FHL2: variants seen among roughly 807,000 people sequenced by gnomAD.
FHL2 encodes the protein four and a half LIM domains 2.
In FHL2, 20 loss-of-function variants were observed where a neutral mutation model predicts 32.7. That is an observed-to-expected ratio of 0.61 (90% CI 0.43 to 0.89). The LOEUF is 0.89. FHL2 is among the 40% of genes least tolerant of loss of function. The pLI, the probability that FHL2 is intolerant of heterozygous loss-of-function variation, is 0.00. For synonymous variants in FHL2, 123 were observed against 128.1 expected (o/e 0.96, Z 0.27); for missense variants, 311 against 358.6 (o/e 0.87, Z 1.07).
chr2:105,426,587 C>G (rs1303725276), intron 1 of FHL2, among the ~76,000 whole-genome samples: 1 of 152,186 alleles, frequency 6.6e-6, no homozygotes, highest in Non-Finnish European at 1.5e-5. Context: ...GAGGGCTCCC[C>G]ACTCCTGCAC....
At chr2:105,363,073 A>G (rs1680391138) in intron 6 of FHL2, 1 of 565,684 alleles carries the variant, frequency 1.8e-6, no homozygotes, top group Non-Finnish European at 3.2e-6. Flanking sequence ...TATGGTTGTG[A>G]TCAGGTGGGC....
intron 4 of FHL2, among the ~76,000 whole-genome samples, chr2:105,370,763 C>G (rs1218719321): frequency 6.6e-6 from 1 of 152,180 alleles, no homozygotes; most frequent in Non-Finnish European, 1.5e-5. Context: ...TTTGCATACA[C>G]CGGGATTCTT....
At chr2:105,397,890 T>TTTG (rs1553421761) in intron 1 of FHL2, among the ~76,000 whole-genome samples, 124 of 148,324 alleles carry the variant, frequency 8.4e-4, no homozygotes, top group Non-Finnish European at 1.1e-3. Flanking sequence ...TGTTTTTTGT[T>TTTG]TTTTTTTGTC....
intron 3 of FHL2, chr2:105,375,996 C>T (rs1258232964): frequency 6.6e-6 from 1 of 152,204 alleles, no homozygotes; most frequent in Non-Finnish European, 1.5e-5. Flanking sequence ...TGAGAAACAG[C>T]AAAGCCCACA....
At chr2:105,416,991 G>C (rs1228349973) in intron 1 of FHL2, among the ~76,000 whole-genome samples, 1 of 152,154 alleles carries the variant, frequency 6.6e-6, no homozygotes. Context: ...CACGACTTGG[G>C]CCACTGCACA....
intron 1 of FHL2, among the ~76,000 whole-genome samples, chr2:105,422,124 C>T (rs185049400): frequency 7.9e-5 from 12 of 152,280 alleles, no homozygotes; most frequent in Admixed American, 7.8e-4. Flanking sequence ...CAATCTTGGC[C>T]GCGTTGTGGA....
At chr2:105,413,692 C>T (rs1683858884) in intron 1 of FHL2, among the ~76,000 whole-genome samples, 1 of 152,120 alleles carries the variant, frequency 6.6e-6, no homozygotes, top group Non-Finnish European at 1.5e-5. Context: ...GTTGCCCGGG[C>T]TAGTCTTGAA....
chr2:105,394,153 A>T (rs1221313869), intron 2 of FHL2, among the ~76,000 whole-genome samples: 2 of 152,202 alleles, frequency 1.3e-5, no homozygotes, highest in African/African-American at 4.8e-5. Flanking sequence ...GAGTATCTAC[A>T]CACAAAAACC....
chr2:105,390,628 T>C (rs80218684), intron 2 of FHL2, among the ~76,000 whole-genome samples: 2,002 of 152,316 alleles, frequency 0.013, 22 homozygotes, highest in South Asian at 0.059. Flanking sequence ...CAGGATGCAC[T>C]GTGTGAAAGC....
intron 6 of FHL2, among the ~76,000 whole-genome samples, chr2:105,362,388 A>G (rs897050117): frequency 6.6e-6 from 1 of 152,212 alleles, no homozygotes; most frequent in Non-Finnish European, 1.5e-5. Context: ...GAGTTAGCTG[A>G]GTTAGGTGAA....
chr2:105,370,679 G>T (rs1408955953), intron 4 of FHL2, among the ~76,000 whole-genome samples: 1 of 152,124 alleles, frequency 6.6e-6, no homozygotes, highest in East Asian at 1.9e-4. Flanking sequence ...ATCTTGAATG[G>T]GTTCTAACAC....
chr2:105,381,349 G>A (rs759312239), intron 3 of FHL2, among the ~76,000 whole-genome samples: 3 of 152,106 alleles, frequency 2.0e-5, no homozygotes, highest in South Asian at 2.1e-4. Flanking sequence ...CTCCCTAGAC[G>A]TTAACTCACT....
At chr2:105,431,696 C>A (rs1405848698) in intron 1 of FHL2, among the ~76,000 whole-genome samples, 2 of 152,182 alleles carry the variant, frequency 1.3e-5, no homozygotes, top group African/African-American at 4.8e-5. Flanking sequence ...GCCATTGGAA[C>A]GTTTGGGAAA....
chr2:105,406,779 C>G (rs2104649764), intron 1 of FHL2, among the ~76,000 whole-genome samples: 1 of 152,376 alleles, frequency 6.6e-6, no homozygotes. Flanking sequence ...GCTGCTCACT[C>G]TCTTTGCACC....
chr2:105,394,633 A>G (rs539650575), intron 2 of FHL2, among the ~76,000 whole-genome samples: 29 of 152,222 alleles, frequency 1.9e-4, no homozygotes, highest in African/African-American at 5.8e-4. Flanking sequence ...AAAGAAAGAA[A>G]GAAAAAAAGT....
intron 1 of FHL2, among the ~76,000 whole-genome samples, chr2:105,428,053 G>A (rs1283660135): frequency 6.6e-6 from 1 of 152,210 alleles, no homozygotes; most frequent in African/African-American, 2.4e-5. Flanking sequence ...ATTAAGCAAA[G>A]GATCAAAGCA....
At chr2:105,433,038 T>C (rs1684483572) in intron 1 of FHL2, among the ~76,000 whole-genome samples, 1 of 152,204 alleles carries the variant, frequency 6.6e-6, no homozygotes, top group Admixed American at 6.5e-5. Flanking sequence ...TTGTGCACTG[T>C]GTGCAGGTTA....
intron 1 of FHL2, among the ~76,000 whole-genome samples, chr2:105,422,572 C>A (rs1198120597): frequency 6.7e-6 from 1 of 148,598 alleles, no homozygotes; most frequent in Non-Finnish European, 1.5e-5. Context: ...TTAGAGACAA[C>A]AGGACCATGA....
At chr2:105,371,118 C>T (rs1681032168) in intron 4 of FHL2, among the ~76,000 whole-genome samples, 1 of 152,132 alleles carries the variant, frequency 6.6e-6, no homozygotes, top group African/African-American at 2.4e-5. Context: ...TTTCCCTCCC[C>T]AGTAAACACC....
Sources: allele counts gnomAD v4.1 joint callset (sites outside exome capture counted in the v4.1 genomes callset), GRCh38; gene constraint gnomAD v4.1.1; transcripts MANE v1.5; gene names NCBI Gene and HGNC (gene_info 2026-07-23, HGNC 2026-07-21).